XKR4: variants seen among roughly 807,000 people sequenced by gnomAD.
XKR4 encodes the protein XK related 4.
XKR4 carries 12 observed loss-of-function variants against 53.9 expected under a neutral mutation model. That is an observed-to-expected ratio of 0.22 (90% CI 0.14 to 0.36). The LOEUF (loss-of-function observed/expected upper bound fraction) is 0.36. Among genes scored for constraint, XKR4 ranks in the 10% least tolerant of loss-of-function variants. The pLI, the probability that XKR4 is intolerant of heterozygous loss-of-function variation, is 1.00. For missense variants in XKR4, 799 were observed against 859.5 expected, an observed-to-expected ratio of 0.93 and a Z score of 0.88; for synonymous variants, 354 against 362.4, an observed-to-expected ratio of 0.98 and a Z score of 0.26.
At chr8:55,175,554 A>G (rs1009438907) in intron 1 of XKR4, among the ~76,000 whole-genome samples, 4 of 152,230 alleles carry the variant, frequency 2.6e-5, no homozygotes, top group Non-Finnish European at 5.9e-5. Flanking sequence ...TTATTTAGGC[A>G]CTTTACTACA....
At chr8:55,323,466 GCTTTTTTCAC>G (rs1803246738) in intron 1 of XKR4, among the ~76,000 whole-genome samples, 1 of 152,092 alleles carries the variant, frequency 6.6e-6, no homozygotes, top group African/African-American at 2.4e-5. Flanking sequence ...TTTGAGACAG[GCTTTTTTCAC>G]TGGAAACTTG....
At chr8:55,211,322 G>T (rs968591212) in intron 1 of XKR4, among the ~76,000 whole-genome samples, 1 of 152,134 alleles carries the variant, frequency 6.6e-6, no homozygotes, top group South Asian at 2.1e-4. Context: ...TCAAAGAAGA[G>T]GAAAATTTCA....
Position 55,102,738 on chromosome 8 carries a change from G to A in XKR4, c.250G>A (p.Ala84Thr). 2 of 1,194,234 alleles carry A rather than the reference G, an allele frequency of 1.7e-6. No individual in the cohort carries two copies. The highest frequency in any genetic ancestry group is 1.0e-6 in the Non-Finnish European group (1 of 964,248). The allele number at this position is 1,194,234 out of a possible 1,614,324, so 74.0% of individuals were successfully genotyped here. Reference protein sequence around the residue: ...SAGSGGSGGVAGPGGGGAGSA... With the variant: ...SAGSGGSGGVTGPGGGGAGSA... ...GGGCTCGGGCGGCTCCGGCGGCGTC[G>A]CCGGCCCGGGCGGCGGCGGGGCGGG... is the stretch of plus-strand genomic sequence containing the variant. The change falls in exon 1 of 3, where the codon GCC becomes ACC. Residue 84 changes from alanine to threonine, a missense_variant. Ala to Thr is a moderately conservative substitution (Grantham distance 58). This residue lies in a region of XKR4 where 476 missense variants were observed against 505.4 expected (regional missense o/e 0.94). Coordinates refer to ENST00000327381, the MANE Select transcript of XKR4 (RefSeq NM_052898.2). This position sits in a 1 kb window ranked among gnomAD's most constrained non-coding sequence, Gnocchi z 5.1.
intron 1 of XKR4, among the ~76,000 whole-genome samples, chr8:55,113,444 T>C (rs1395716620): frequency 6.6e-6 from 1 of 152,206 alleles, no homozygotes; most frequent in East Asian, 1.9e-4. Context: ...ATGAGATACA[T>C]CACAGCTAAG....
At chr8:55,238,909 A>G in intron 1 of XKR4, among the ~76,000 whole-genome samples, 1 of 152,242 alleles carries the variant, frequency 6.6e-6, no homozygotes. Flanking sequence ...GTAAATAAGT[A>G]AATGGTGGAG....
intron 1 of XKR4, among the ~76,000 whole-genome samples, chr8:55,321,920 C>T (rs534834829): frequency 4.6e-5 from 7 of 152,182 alleles, no homozygotes; most frequent in Admixed American, 2.6e-4. Context: ...ACACAGGAGG[C>T]GGAGGTTGCA....
intron 2 of XKR4, chr8:55,454,314 T>C (rs1206313543): frequency 6.7e-7 from 1 of 1,483,646 alleles, no homozygotes; most frequent in Non-Finnish European, 9.4e-7. Context: ...ACCCCGATTA[T>C]GAAGGGCGTG....
At chr8:55,399,571 C>G (rs761381853) in intron 2 of XKR4, among the ~76,000 whole-genome samples, 3 of 152,192 alleles carry the variant, frequency 2.0e-5, no homozygotes, top group Non-Finnish European at 4.4e-5. Flanking sequence ...TGTGGAAATG[C>G]ACTAGAAACC....
chr8:55,425,363 TA>T (rs1427891426), intron 2 of XKR4, among the ~76,000 whole-genome samples: 1 of 152,030 alleles, frequency 6.6e-6, no homozygotes, highest in Non-Finnish European at 1.5e-5. Flanking sequence ...TAGTCTTCCT[TA>T]GAATCTGTTC....
intron 1 of XKR4, among the ~76,000 whole-genome samples, chr8:55,258,038 A>G (rs1818465804): frequency 6.6e-6 from 1 of 152,172 alleles, no homozygotes; most frequent in Non-Finnish European, 1.5e-5. Flanking sequence ...TGAGCTGGTG[A>G]CCCCAGGCAC....
At chr8:55,274,898 G>A (rs1382050017) in intron 1 of XKR4, among the ~76,000 whole-genome samples, 3 of 152,168 alleles carry the variant, frequency 2.0e-5, no homozygotes, top group Non-Finnish European at 4.4e-5. Context: ...TTCAGTCCAT[G>A]ACAGTGCCAA....
At chr8:55,453,100 C>G (rs1342704291) in intron 2 of XKR4, 2 of 552,468 alleles carry the variant, frequency 3.6e-6, no homozygotes, top group Non-Finnish European at 7.1e-6. Context: ...GTAAAGGACC[C>G]AGATATGAGT....
intron 1 of XKR4, among the ~76,000 whole-genome samples, chr8:55,353,795 T>C (rs892184131): frequency 6.6e-6 from 1 of 152,184 alleles, no homozygotes; most frequent in Non-Finnish European, 1.5e-5. Context: ...ACACCAGCAG[T>C]TGGCACTGAG....
chr8:55,307,770 A>G (rs923284812), intron 1 of XKR4, among the ~76,000 whole-genome samples: 1 of 152,230 alleles, frequency 6.6e-6, no homozygotes, highest in Admixed American at 6.5e-5. Context: ...ACACCTATCA[A>G]AATGGCTAAA....
chr8:55,153,027 G>T (rs1225248276), intron 1 of XKR4, among the ~76,000 whole-genome samples: 1 of 152,170 alleles, frequency 6.6e-6, no homozygotes, highest in Non-Finnish European at 1.5e-5. Flanking sequence ...TATTCCAGGG[G>T]ATGTCATTGG....
intron 2 of XKR4, among the ~76,000 whole-genome samples, chr8:55,402,924 A>AACAG (rs1804624350): frequency 6.6e-6 from 1 of 152,182 alleles, no homozygotes; most frequent in Non-Finnish European, 1.5e-5. Context: ...ACACTCAGAA[A>AACAG]ACAGACCTCT....
rs765578330 is a variant in XKR4 at position 55,541,724 on chromosome 8, C to T, written c.*17497C>T. On this transcript the variant is annotated 3_prime_UTR_variant, in exon 3 of 3. Transcript: ENST00000327381. ...TTTGGAATTTTATTTGAAATGGAGA[C>T]TTAAACTAGTTATTAAATTTGTTTC... 4 of 152,168 alleles carry T rather than the reference C, an allele frequency of 2.6e-5. No individual in the cohort carries two copies. The highest frequency in any genetic ancestry group is 6.5e-5 in the Admixed American group (1 of 15,290). 9.4% of individuals were successfully genotyped at this position (152,168 alleles called of 1,614,324 possible).
chr8:55,263,183 T>TA (rs1485703605), intron 1 of XKR4, among the ~76,000 whole-genome samples: 1 of 152,192 alleles, frequency 6.6e-6, no homozygotes, highest in Non-Finnish European at 1.5e-5. Flanking sequence ...AGAAATGACT[T>TA]ATGTTACTTT....
chr8:55,143,403 A>G (rs1175768791), intron 1 of XKR4, among the ~76,000 whole-genome samples: 2 of 152,114 alleles, frequency 1.3e-5, no homozygotes, highest in African/African-American at 2.4e-5. Flanking sequence ...TAAAATTTTG[A>G]TTTTTCCCAA....
Sources: gnomAD v4.1 joint callset for allele counts (sites outside exome capture counted in the v4.1 genomes callset) on GRCh38, gnomAD v4.1.1 for gene constraint, gnomAD v4.1.1 regional missense constraint, Gnocchi (gnomAD v3.1) non-coding constraint, MANE v1.5 for transcripts, NCBI Gene and HGNC (gene_info 2026-07-23, HGNC 2026-07-21) for gene names.